The following ERBB4 variants were observed in gnomAD, a reference collection of about 807,000 sequenced individuals.
The protein encoded by ERBB4 is receptor tyrosine-protein kinase erbB-4.
In ERBB4, 42 loss-of-function variants were observed where a neutral mutation model predicts 158.0. The ratio of observed to expected loss-of-function variants is 0.27; its 90% confidence interval spans 0.21 to 0.34. ERBB4 has a LOEUF of 0.34. ERBB4 is among the 10% of genes least tolerant of loss of function. ERBB4 has a pLI of 1.00. For missense variants in ERBB4, 1,333 were observed against 1,624.1 expected (o/e 0.82, Z 3.08); for synonymous variants, 583 against 558.7 (o/e 1.04, Z -0.61).
At chr2:212,325,180 C>T (rs1413367062) in intron 1 of ERBB4, among the ~76,000 whole-genome samples, 2 of 150,692 alleles carry the variant, frequency 1.3e-5, no homozygotes, top group South Asian at 4.2e-4. Flanking sequence ...TCTTAATATA[C>T]TTTCTCCTGT....
chr2:211,576,855 A>G (rs2067908423), intron 19 of ERBB4, among the ~76,000 whole-genome samples: 1 of 152,182 alleles, frequency 6.6e-6, no homozygotes, highest in Admixed American at 6.6e-5. Context: ...GAAGAAAAAT[A>G]TGAATATGGT....
chr2:211,512,454 A>AAAG (rs990563243), intron 20 of ERBB4, among the ~76,000 whole-genome samples: 2 of 151,928 alleles, frequency 1.3e-5, no homozygotes, highest in Admixed American at 6.5e-5. Context: ...TCTCAAAAAA[A>AAAG]AAAGCATTTT....
intron 2 of ERBB4, among the ~76,000 whole-genome samples, chr2:212,049,289 G>T (rs1163931043): frequency 6.6e-6 from 1 of 152,310 alleles, no homozygotes; most frequent in Non-Finnish European, 1.5e-5. Flanking sequence ...GGTCACTGAT[G>T]TGTGTTCAAC....
At chr2:211,772,824 TATATATATATACAC>T (rs1258067418) in intron 4 of ERBB4, among the ~76,000 whole-genome samples, 506 of 13,238 alleles carry the variant, frequency 0.038, 42 homozygotes, top group Middle Eastern at 0.071. Flanking sequence ...TATATATATA[TATATATATATACAC>T]ATATATATAT....
At chr2:212,261,917 A>C (rs1047412661) in intron 1 of ERBB4, among the ~76,000 whole-genome samples, 2 of 152,132 alleles carry the variant, frequency 1.3e-5, no homozygotes, top group Non-Finnish European at 2.9e-5. Flanking sequence ...AAAAATATAA[A>C]ATTAAATTTA....
intron 1 of ERBB4, among the ~76,000 whole-genome samples, chr2:212,469,379 C>CAAATTT (rs1480081420): frequency 6.6e-6 from 1 of 152,106 alleles, no homozygotes; most frequent in Non-Finnish European, 1.5e-5. Context: ...CTACTTAGGA[C>CAAATTT]AAATTTAAAT....
At chr2:212,275,234 C>T (rs993359043) in intron 1 of ERBB4, among the ~76,000 whole-genome samples, 2 of 151,990 alleles carry the variant, frequency 1.3e-5, no homozygotes, top group Middle Eastern at 3.4e-3. Context: ...AATAAACATA[C>T]GTGTGTATGT....
intron 1 of ERBB4, among the ~76,000 whole-genome samples, chr2:212,208,542 A>G (rs1213247023): frequency 3.3e-5 from 5 of 152,168 alleles, no homozygotes; most frequent in African/African-American, 1.2e-4. Flanking sequence ...GCCAGAGGAA[A>G]ATAGTTATGA....
chr2:212,146,679 T>C (rs930864079), intron 1 of ERBB4, among the ~76,000 whole-genome samples: 4 of 152,136 alleles, frequency 2.6e-5, no homozygotes, highest in Non-Finnish European at 5.9e-5. Context: ...TGCAAAGACG[T>C]CCCTAACTAC....
At position 212,471,929 on chromosome 2, in the gene ERBB4, G is replaced by T. The variant is rs529571218; in HGVS notation, c.82+66520C>A. ...ACACCTGTTGTTTGTCACCTCCTCT[G>T]ACTCAAATTAGGGGCAATGTCACAA... On this transcript the variant is annotated intron_variant, in intron 1 of 27. Transcript: ENST00000342788. 8.6e-5 allele frequency among the ~76,000 whole-genome samples: 13 copies of T among 151,936 alleles called. No individual in the cohort carries two copies. In the South Asian group the frequency reaches 2.7e-3, roughly 31 times the overall value.
At chr2:212,487,156 T>C (rs1413155197) in intron 1 of ERBB4, among the ~76,000 whole-genome samples, 1 of 152,158 alleles carries the variant, frequency 6.6e-6, no homozygotes, top group African/African-American at 2.4e-5. Flanking sequence ...AAGACAGTAC[T>C]GTGCCAGAAA....
intron 3 of ERBB4, among the ~76,000 whole-genome samples, chr2:211,843,146 ATTATTC>A (rs1221820788): frequency 3.9e-5 from 6 of 152,140 alleles, no homozygotes; most frequent in Non-Finnish European, 7.4e-5. Context: ...AGTAGATAAC[ATTATTC>A]TTATTATGTT....
intron 1 of ERBB4, among the ~76,000 whole-genome samples, chr2:212,316,871 A>C (rs775638103): frequency 1.3e-5 from 2 of 151,512 alleles, no homozygotes; most frequent in Non-Finnish European, 3.0e-5. Context: ...TGTTTTAAAA[A>C]CTACTTGCTT....
intron 4 of ERBB4, among the ~76,000 whole-genome samples, chr2:211,773,433 A>T (rs1232430177): frequency 6.7e-6 from 1 of 150,212 alleles, no homozygotes; most frequent in African/African-American, 2.4e-5. Context: ...TTCAGGAAAA[A>T]GTAATAATAC....
chr2:212,424,608 G>A (rs1421923281), intron 1 of ERBB4, among the ~76,000 whole-genome samples: 1 of 152,052 alleles, frequency 6.6e-6, no homozygotes, highest in African/African-American at 2.4e-5. Context: ...AACAAATCAA[G>A]TTGATGTCTT....
At chr2:211,575,590 G>A (rs182360773) in intron 19 of ERBB4, among the ~76,000 whole-genome samples, 5 of 152,004 alleles carry the variant, frequency 3.3e-5, no homozygotes, top group Non-Finnish European at 5.9e-5. Context: ...TGTTTTCCTG[G>A]ACACTGCATC....
intron 1 of ERBB4, among the ~76,000 whole-genome samples, chr2:212,248,441 G>A (rs1056210892): frequency 1.3e-5 from 2 of 152,100 alleles, no homozygotes; most frequent in Admixed American, 1.3e-4. Flanking sequence ...ATAATAAACG[G>A]CTGAGTTCTA....
intron 3 of ERBB4, among the ~76,000 whole-genome samples, chr2:211,847,404 C>A (rs1347670751): frequency 6.6e-6 from 1 of 152,042 alleles, no homozygotes; most frequent in Non-Finnish European, 1.5e-5. Flanking sequence ...CATTATGCTG[C>A]CAACTGAGCC....
At chr2:212,003,081 G>C (rs1159428313) in intron 2 of ERBB4, among the ~76,000 whole-genome samples, 2 of 137,878 alleles carry the variant, frequency 1.5e-5, no homozygotes, top group African/African-American at 5.2e-5. Flanking sequence ...GAGAGAGAGA[G>C]AGAAAGAGAG....
Sources: allele counts gnomAD v4.1 joint callset (sites outside exome capture counted in the v4.1 genomes callset), GRCh38; gene constraint gnomAD v4.1.1; transcripts MANE v1.5; gene names NCBI Gene and HGNC (gene_info 2026-07-23, HGNC 2026-07-21).